Variants in ROBO2 observed in about 807,000 individuals in gnomAD.
ROBO2 encodes roundabout guidance receptor 2.
In ROBO2, 53 loss-of-function variants were observed where a neutral mutation model predicts 160.8. That is an observed-to-expected ratio of 0.33 (90% CI 0.26 to 0.41). The LOEUF is 0.41. ROBO2 is among the 10% of genes least tolerant of loss of function. The probability of loss-of-function intolerance (pLI) is 1.00; values close to 1 mark genes in which losing one functional copy is unlikely to be tolerated. For missense variants in ROBO2, 1,577 were observed against 1,722.4 expected (o/e 0.92, Z 1.49); for synonymous variants, 664 against 611.7 (o/e 1.09, Z -1.26).
At chr3:76,412,883 G>A (rs1282241135) in intron 2 of ROBO2, among the ~76,000 whole-genome samples, 1 of 152,224 alleles carries the variant, frequency 6.6e-6, no homozygotes, top group Admixed American at 6.5e-5. Context: ...CAGTGCCCCA[G>A]TAGAGACTAT....
At chr3:76,342,698 G>C (rs1412708056) in intron 2 of ROBO2, among the ~76,000 whole-genome samples, 1 of 152,084 alleles carries the variant, frequency 6.6e-6, no homozygotes, top group Non-Finnish European at 1.5e-5. Context: ...AAAATCACTA[G>C]AGTATGGTAG....
intron 1 of ROBO2, among the ~76,000 whole-genome samples, chr3:77,081,224 T>C (rs2149928099): frequency 6.6e-6 from 1 of 152,334 alleles, no homozygotes; most frequent in South Asian, 2.1e-4. Flanking sequence ...CTGTAAATGC[T>C]TGTACTTATA....
At chr3:77,594,023 G>T (rs775723) in intron 17 of ROBO2, among the ~76,000 whole-genome samples, 89,830 of 151,752 alleles carry the variant, frequency 0.59, 26,634 homozygotes, top group Middle Eastern at 0.71. Flanking sequence ...CACATTAATT[G>T]TGGTCAGAAT....
chr3:76,660,712 A>T (rs1368920747), intron 2 of ROBO2, among the ~76,000 whole-genome samples: 3 of 152,168 alleles, frequency 2.0e-5, no homozygotes, highest in Non-Finnish European at 2.9e-5. Flanking sequence ...TTAAGAGCTT[A>T]GTTGTTGATT....
intron 2 of ROBO2, among the ~76,000 whole-genome samples, chr3:76,146,909 C>T (rs1444287908): frequency 3.3e-5 from 5 of 150,316 alleles, no homozygotes; most frequent in African/African-American, 1.2e-4. Flanking sequence ...CACATACACA[C>T]ACACACACAC....
chr3:77,061,905 G>C (rs2149773711), intron 1 of ROBO2, among the ~76,000 whole-genome samples: 1 of 152,296 alleles, frequency 6.6e-6, no homozygotes, highest in East Asian at 1.9e-4. Context: ...TTATAAAGCA[G>C]ACCTGGTTGA....
At chr3:77,505,814 G>T (rs896137245) in intron 5 of ROBO2, among the ~76,000 whole-genome samples, 5 of 152,102 alleles carry the variant, frequency 3.3e-5, no homozygotes, top group Non-Finnish European at 7.4e-5. Context: ...AAATATAAAT[G>T]AGAGAGATTT....
chr3:76,808,853 A>G (rs976287150), intron 2 of ROBO2, among the ~76,000 whole-genome samples: 1 of 152,058 alleles, frequency 6.6e-6, no homozygotes, highest in Non-Finnish European at 1.5e-5. Flanking sequence ...GAAAAAATTC[A>G]TGCAAAGTGT....
At chr3:77,500,055 G>T (rs2087357060) in intron 5 of ROBO2, among the ~76,000 whole-genome samples, 1 of 152,074 alleles carries the variant, frequency 6.6e-6, no homozygotes, top group Non-Finnish European at 1.5e-5. Context: ...TCCTGGTATT[G>T]TGTGCCACCT....
intron 1 of ROBO2, among the ~76,000 whole-genome samples, chr3:75,934,620 C>G (rs1947692193): frequency 6.6e-6 from 1 of 152,122 alleles, no homozygotes; most frequent in South Asian, 2.1e-4. Context: ...GATCATACAT[C>G]ATAGTAACTT....
intron 2 of ROBO2, among the ~76,000 whole-genome samples, chr3:76,610,929 T>A (rs2088063816): frequency 6.6e-6 from 1 of 152,130 alleles, no homozygotes; most frequent in South Asian, 2.1e-4. Context: ...GGAGAGTGAA[T>A]AAGGCAGATA....
chr3:76,290,111 T>C (rs942389098), intron 2 of ROBO2, among the ~76,000 whole-genome samples: 1 of 152,128 alleles, frequency 6.6e-6, no homozygotes, highest in Non-Finnish European at 1.5e-5. Flanking sequence ...TGATATTGAT[T>C]CTTCTAATCC....
At chr3:77,539,179 C>T (rs2092336933) in intron 6 of ROBO2, among the ~76,000 whole-genome samples, 1 of 152,176 alleles carries the variant, frequency 6.6e-6, no homozygotes, top group Non-Finnish European at 1.5e-5. Context: ...CTCGGCCTCC[C>T]AAAGTGGTAG....
At chr3:76,089,696 G>C (rs2108083646) in intron 2 of ROBO2, among the ~76,000 whole-genome samples, 1 of 152,194 alleles carries the variant, frequency 6.6e-6, no homozygotes, top group African/African-American at 2.4e-5. Flanking sequence ...AAGCATATCT[G>C]GAGAAAGATC....
chr3:77,216,940 T>A (rs774351195), intron 2 of ROBO2, among the ~76,000 whole-genome samples: 2 of 152,160 alleles, frequency 1.3e-5, no homozygotes, highest in African/African-American at 2.4e-5. Flanking sequence ...ATAAAGCCAC[T>A]TTTATTCTTC....
intron 2 of ROBO2, among the ~76,000 whole-genome samples, chr3:76,681,996 A>G (rs529915421): frequency 1.3e-5 from 2 of 152,270 alleles, no homozygotes; most frequent in Admixed American, 6.6e-5. Flanking sequence ...GGGAGGTCAT[A>G]TGTGTGCCTG....
chr3:76,119,219 G>A lies in ROBO2; in HGVS notation c.109+181617G>A, dbSNP rs182254896. ...CTTTTCTAAAGTAATAGATGAATTC[G>A]CTGTTGGTTCATGCACCAAATCAAT... On this transcript the variant is annotated intron_variant, in intron 2 of 26. Transcript: ENST00000487694. Among the ~76,000 whole-genome samples the A allele has an allele frequency of 1.0e-3, 157 of 152,144 alleles. 1 individual carries two copies. The highest frequency in any genetic ancestry group is 3.5e-3 in the African/African-American group (144 of 41,504).
chr3:77,395,803 A>T (rs946930071), intron 2 of ROBO2, among the ~76,000 whole-genome samples: 1 of 152,044 alleles, frequency 6.6e-6, no homozygotes, highest in Non-Finnish European at 1.5e-5. Context: ...ATTTAAATGT[A>T]TTTCACTATA....
At chr3:77,050,600 T>G (rs1291962738) in intron 1 of ROBO2, among the ~76,000 whole-genome samples, 1 of 151,854 alleles carries the variant, frequency 6.6e-6, no homozygotes, top group Non-Finnish European at 1.5e-5. Flanking sequence ...TGGTTTTTTT[T>G]CCCCATGCAA....
Sources: gnomAD v4.1 joint callset for allele counts (sites outside exome capture counted in the v4.1 genomes callset) on GRCh38, gnomAD v4.1.1 for gene constraint, MANE v1.5 for transcripts, NCBI Gene and HGNC (gene_info 2026-07-23, HGNC 2026-07-21) for gene names.